Variants in CBFA2T3 observed in about 807,000 individuals in gnomAD.
CBFA2T3 encodes CBFA2/RUNX1 partner transcriptional co-repressor 3.
In CBFA2T3, 31 loss-of-function variants were observed where a neutral mutation model predicts 58.6. The observed-to-expected ratio is 0.53, with a 90% CI of 0.40 to 0.71. The LOEUF (loss-of-function observed/expected upper bound fraction) is 0.71, where lower values mean the gene tolerates loss of function less well. Ranked by LOEUF, CBFA2T3 falls within the 30% of genes least tolerant of loss-of-function variation. The pLI is 0.00. For synonymous variants in CBFA2T3, 531 were observed against 421.9 expected, an observed-to-expected ratio of 1.26 and a Z score of -3.17; for missense variants, 1,076 against 963.1, an observed-to-expected ratio of 1.12 and a Z score of -1.55.
At chr16:88,895,719 G>A (rs984616896) in intron 3 of CBFA2T3, among the ~76,000 whole-genome samples, 5 of 152,198 alleles carry the variant, frequency 3.3e-5, no homozygotes, top group African/African-American at 1.2e-4. Context: ...GGGGCTGTGG[G>A]AGGCCAGGAG....
In CBFA2T3 at chr16:88,935,891, G is replaced by C. The variant is rs181714381; in HGVS notation, c.152-34235C>G. On this transcript the variant is annotated intron_variant, in intron 1 of 11. Coordinates refer to ENST00000268679, the MANE Select transcript of CBFA2T3 (RefSeq NM_005187.6). ...TGCATTTTGCGTTTGAGACCCGAGG[G>C]ACAGATGGGAATATGTGGTGTAGGT... Among the ~76,000 whole-genome samples, 944 of 152,330 alleles carry C rather than the reference G, an allele frequency of 6.2e-3. 5 individuals are homozygous for C. The highest frequency in any genetic ancestry group is 0.01 in the Non-Finnish European group (710 of 68,022).
At position 88,916,663 on chromosome 16, in the gene CBFA2T3, G is replaced by A. The variant is rs533969493; in HGVS notation, c.152-15007C>T. ...AGGTGGGTGGGCTGGGTGGGGAAGG[G>A]GGATGGGGGGCTCCTTTGCCTTCCC... On this transcript the variant is annotated intron_variant, in intron 1 of 11. Transcript: ENST00000268679. 5.1e-4 allele frequency among the ~76,000 whole-genome samples: 78 copies of A among 151,732 alleles called. No individual in the cohort carries two copies. The South Asian group carries it at 0.016, about 31-fold the overall frequency.
Position 88,881,334 on chromosome 16 carries a change from G to A in CBFA2T3, c.1359C>T (p.Ala453=), listed in dbSNP as rs772522304. 5 of 1,582,490 alleles carry A rather than the reference G, an allele frequency of 3.2e-6. No individual in the cohort carries two copies. In the African/African-American group the frequency reaches 5.4e-5, roughly 17 times the overall value. The part of the protein sequence containing the change: ...DTKKGPAPAA[A]RPRSSSAGPE... ...GACCGGCGGAGCTGCTGCGGGGCCG[G>A]GCCGCGGCGGGAGCGGGGCCCTTCT... The change falls in exon 9 of 12, where the codon GCC becomes GCT. Residue 453 remains alanine (A), a synonymous_variant. Coordinates refer to ENST00000268679, the MANE Select transcript of CBFA2T3 (RefSeq NM_005187.6).
At chr16:88,950,526 G>C (rs34445480) in intron 1 of CBFA2T3, 1 of 411,898 alleles carries the variant, frequency 2.4e-6, no homozygotes, top group Non-Finnish European at 4.7e-6. Context: ...TGTCTTCCGG[G>C]TCAGTTCACC....
intron 1 of CBFA2T3, among the ~76,000 whole-genome samples, chr16:88,971,632 C>G (rs1350917610): frequency 6.6e-6 from 1 of 152,236 alleles, no homozygotes; most frequent in Admixed American, 6.5e-5. Flanking sequence ...GCAGGCCGGC[C>G]TCTGGCTTTG....
intron 10 of CBFA2T3, 42 bp from the exon 11 acceptor site, chr16:88,879,502 C>A: frequency 1.3e-6 from 2 of 1,575,936 alleles, no homozygotes; most frequent in Non-Finnish European, 1.7e-6. Flanking sequence ...CATGGGCCAT[C>A]CCAGATGGGT....
chr16:88,971,773 G>A (rs538848756), intron 1 of CBFA2T3, among the ~76,000 whole-genome samples: 8 of 152,278 alleles, frequency 5.3e-5, no homozygotes, highest in South Asian at 4.1e-4. Flanking sequence ...CGTCTCCTCG[G>A]AGGAGCACTG....
chr16:88,907,959 T>C (rs1248419145), intron 1 of CBFA2T3, among the ~76,000 whole-genome samples: 1 of 152,170 alleles, frequency 6.6e-6, no homozygotes, highest in Non-Finnish European at 1.5e-5. Context: ...GTCAGATGTC[T>C]AAAGGAAGAG....
intron 1 of CBFA2T3, among the ~76,000 whole-genome samples, chr16:88,947,365 A>G (rs1321918868): frequency 1.3e-5 from 2 of 152,206 alleles, no homozygotes; most frequent in Admixed American, 6.5e-5. Context: ...CAGCGCCTGA[A>G]TCTCTACATG....
At position 88,896,344 on chromosome 16, in the gene CBFA2T3, G is replaced by A. The variant is rs559401634; in HGVS notation, c.379+1734C>T. Among the ~76,000 whole-genome samples, 12 of 152,314 alleles carry A rather than the reference G, an allele frequency of 7.9e-5. No homozygotes were observed. The South Asian group carries it at 2.5e-3, about 32-fold the overall frequency. ...CAGGGGGTAGCCTGTCTGCGCCCCT[G>A]GCTTGAACGATCTTAGCAGCGCCTT... On this transcript the variant is annotated intron_variant, in intron 3 of 11. Transcript: ENST00000268679.
chr16:88,918,832 G>C (rs532746951), intron 1 of CBFA2T3, among the ~76,000 whole-genome samples: 1 of 152,346 alleles, frequency 6.6e-6, no homozygotes, highest in African/African-American at 2.4e-5. Flanking sequence ...TTGGTGCTGA[G>C]AGAGGTCGGA....
In CBFA2T3 at chr16:88,879,405, C is replaced by G. The variant is rs746248657; in HGVS notation, c.1527G>C (p.Val509=). Residue 509 remains valine (V), a synonymous_variant, in exon 11 of 12, where the codon GTG becomes GTC. Coordinates refer to ENST00000268679, the MANE Select transcript of CBFA2T3 (RefSeq NM_005187.6). ...RQAMSELQKA[V]SDAERKAHEL... ...CGTGCGCTTTGCGCTCCGCGTCCGA[C>G]ACGGCTTTCTGCAGCTCCGACATGG... 6.2e-7 allele frequency: 1 copy of G among 1,613,028 alleles called. No homozygotes were observed. The highest frequency in any genetic ancestry group is 8.5e-7 in the Non-Finnish European group (1 of 1,179,718).
chr16:88,936,341 C>T (rs1032264889), intron 1 of CBFA2T3, among the ~76,000 whole-genome samples: 4 of 152,200 alleles, frequency 2.6e-5, no homozygotes, highest in African/African-American at 7.2e-5. Flanking sequence ...TGCCCCGGTG[C>T]CTGGACTTCC....
chr16:88,966,748 G>A (rs1438722985), intron 1 of CBFA2T3, among the ~76,000 whole-genome samples: 2 of 152,064 alleles, frequency 1.3e-5, no homozygotes, highest in Non-Finnish European at 2.9e-5. Context: ...GTGGGTTGGG[G>A]TGGGGGGCGT....
intron 1 of CBFA2T3, among the ~76,000 whole-genome samples, chr16:88,909,338 C>T (rs1970445413): frequency 6.6e-6 from 1 of 152,236 alleles, no homozygotes; most frequent in South Asian, 2.1e-4. Flanking sequence ...GCTCCGGGCC[C>T]TGCAACCTGG....
rs1403762531 is a variant in CBFA2T3, at chr16:88,950,419, C to T, written c.151+26238G>A. On this transcript the variant is annotated intron_variant, in intron 1 of 11. Transcript: ENST00000268679. ...AGTTCACCCGTCCCCTGGACCGGCA[C>T]CGGCACAGAGGGTCAGAGTGTTGGC... 5 of 430,754 alleles carry T rather than the reference C, an allele frequency of 1.2e-5. 1 individual carries two copies. The highest frequency in any genetic ancestry group is 1.8e-5 in the Non-Finnish European group (4 of 217,698). 26.7% of individuals were successfully genotyped at this position (430,754 alleles called of 1,614,324 possible). A position where few individuals can be genotyped will look rare whatever the true frequency, so the allele number is the denominator to read the frequency against.
chr16:88,891,978 G>T lies in CBFA2T3; in HGVS notation c.622-7C>A. The stretch of plus-strand genomic sequence containing the variant: ...CGATCGTCAATGTCGAGTTCTGCAG[G>T]GGAGAAAACCCACCTCACATCAGCA... On this transcript the variant is annotated splice_region_variant and splice_polypyrimidine_tract_variant and intron_variant, in intron 4 of 11. Coordinates refer to ENST00000268679, the MANE Select transcript of CBFA2T3 (RefSeq NM_005187.6). 6.2e-7 allele frequency: 1 copy of T among 1,610,296 alleles called. No homozygotes were observed. The highest frequency in any genetic ancestry group is 8.5e-7 in the Non-Finnish European group (1 of 1,177,430).
At chr16:88,922,516 G>A (rs751845784) in intron 1 of CBFA2T3, among the ~76,000 whole-genome samples, 24 of 152,220 alleles carry the variant, frequency 1.6e-4, no homozygotes, top group Admixed American at 3.3e-4. Context: ...GGCAGGACCT[G>A]AGTCCCAGGG....
intron 1 of CBFA2T3, among the ~76,000 whole-genome samples, chr16:88,969,223 C>G (rs1324917367): frequency 1.3e-5 from 2 of 152,218 alleles, no homozygotes; most frequent in Non-Finnish European, 2.9e-5. Context: ...TCCCCTCCCC[C>G]ACTCTGTCCC....
Sources: allele counts gnomAD v4.1 joint callset (sites outside exome capture counted in the v4.1 genomes callset), GRCh38; gene constraint gnomAD v4.1.1; transcripts MANE v1.5; gene names NCBI Gene and HGNC (gene_info 2026-07-23, HGNC 2026-07-21).